SEMA6D: variants seen among roughly 807,000 people sequenced by gnomAD.
The protein encoded by SEMA6D is semaphorin-6D.
In SEMA6D, 35 loss-of-function variants were observed where a neutral mutation model predicts 106.6. The ratio of observed to expected loss-of-function variants is 0.33; its 90% CI spans 0.25 to 0.44. The LOEUF (loss-of-function observed/expected upper bound fraction) is 0.44. Among genes scored for constraint, SEMA6D ranks in the 20% least tolerant of loss-of-function variants. SEMA6D has a pLI of 1.00. For synonymous variants in SEMA6D, 499 were observed against 487.7 expected (o/e 1.02, Z -0.31); for missense variants, 1,185 against 1,345.9 (o/e 0.88, Z 1.87).
chr15:47,384,826 T>TTTTG (rs2039767342), intron 1 of SEMA6D, among the ~76,000 whole-genome samples: 1 of 142,108 alleles, frequency 7.0e-6, no homozygotes, highest in Non-Finnish European at 1.5e-5. Flanking sequence ...TTTTTTTTTT[T>TTTTG]TTTTTTTTTT....
chr15:47,284,931 T>G (rs2035292740), intron 1 of SEMA6D, among the ~76,000 whole-genome samples: 1 of 152,184 alleles, frequency 6.6e-6, no homozygotes, highest in African/African-American at 2.4e-5. Context: ...TGATAGACAG[T>G]TCCTTGCATG....
intron 1 of SEMA6D, among the ~76,000 whole-genome samples, chr15:47,191,196 T>TAC (rs1893939815): frequency 6.8e-6 from 1 of 148,048 alleles, no homozygotes; most frequent in East Asian, 2.1e-4. Context: ...TATATATATA[T>TAC]ACTTGATATT....
intron 3 of SEMA6D, among the ~76,000 whole-genome samples, chr15:47,551,389 A>G (rs1326581094): frequency 6.6e-6 from 1 of 152,174 alleles, no homozygotes; most frequent in Non-Finnish European, 1.5e-5. Context: ...CTGTGACCTT[A>G]GAGACAATTA....
intron 2 of SEMA6D, among the ~76,000 whole-genome samples, chr15:47,427,544 T>C (rs910001590): frequency 6.6e-6 from 1 of 152,164 alleles, no homozygotes; most frequent in Non-Finnish European, 1.5e-5. Flanking sequence ...ATCTTTTATA[T>C]CTTAAATGAA....
chr15:47,725,539 A>G (rs936127655), intron 1 of SEMA6D, among the ~76,000 whole-genome samples: 10 of 150,808 alleles, frequency 6.6e-5, no homozygotes, highest in African/African-American at 2.4e-4. Flanking sequence ...CCAGTCCCCC[A>G]CTTTCCCACC....
At chr15:47,377,692 T>C (rs911686523) in intron 1 of SEMA6D, among the ~76,000 whole-genome samples, 2 of 152,172 alleles carry the variant, frequency 1.3e-5, no homozygotes, top group East Asian at 1.9e-4. Flanking sequence ...CAGGAAAGTG[T>C]CTGGGCATAG....
chr15:47,425,717 C>G (rs1479758045), intron 2 of SEMA6D, among the ~76,000 whole-genome samples: 1 of 149,672 alleles, frequency 6.7e-6, no homozygotes, highest in Non-Finnish European at 1.5e-5. Context: ...GTTACCCGGG[C>G]TGGAGTGCGG....
chr15:47,730,516 G>C, intron 1 of SEMA6D: 1 of 1,280,852 alleles, frequency 7.8e-7, no homozygotes, highest in Non-Finnish European at 1.1e-6. Context: ...AGGTGGTGAC[G>C]GTGTCAACTC....
intron 1 of SEMA6D, among the ~76,000 whole-genome samples, chr15:47,391,849 T>G (rs1462696656): frequency 2.6e-5 from 4 of 152,218 alleles, no homozygotes; most frequent in African/African-American, 9.6e-5. Flanking sequence ...AAAATTGGAA[T>G]TGGAACCACC....
chr15:47,287,568 G>A (rs2035423303), intron 1 of SEMA6D, among the ~76,000 whole-genome samples: 1 of 151,992 alleles, frequency 6.6e-6, no homozygotes, highest in Admixed American at 6.6e-5. Context: ...CAAAGTGATG[G>A]TCTTCATTGT....
intron 1 of SEMA6D, among the ~76,000 whole-genome samples, chr15:47,262,099 T>G (rs1483670366): frequency 6.6e-6 from 1 of 151,944 alleles, no homozygotes; most frequent in Non-Finnish European, 1.5e-5. Context: ...ACAAAAAGAA[T>G]GAAATATCTA....
chr15:47,579,403 A>C (rs1055842513), intron 3 of SEMA6D, among the ~76,000 whole-genome samples: 2 of 152,082 alleles, frequency 1.3e-5, no homozygotes, highest in Non-Finnish European at 2.9e-5. Context: ...AGGCCTCCCA[A>C]AGTGCTGGGA....
At chr15:47,570,036 CGGG>C (rs1566898584) in intron 3 of SEMA6D, among the ~76,000 whole-genome samples, 2 of 151,058 alleles carry the variant, frequency 1.3e-5, no homozygotes, top group African/African-American at 2.4e-5. Flanking sequence ...ACTCCCAGCC[CGGG>C]CAACAGAGGG....
In SEMA6D at chr15:47,211,766, GAAAGA is replaced by G. The variant is rs1192962772; in HGVS notation, c.-239+27356_-239+27360del. On this transcript the variant is annotated intron_variant, in intron 1 of 19. Coordinates refer to the SEMA6D transcript ENST00000558014. ...TGTCAAGAAGGTTAGACTAGGAAAGGAAAGAAAAGAAACAGATAATTATTAAGTGG... is the reference window on the plus strand; with the variant it reads ...TGTCAAGAAGGTTAGACTAGGAAAGGAAAGAAACAGATAATTATTAAGTGG... Among the ~76,000 whole-genome samples the G allele has an allele frequency of 2.3e-3, 352 of 152,146 alleles. 4 individuals are homozygous for G. Among genetic ancestry groups the G allele is most frequent in the Non-Finnish European group, 5.1e-4 (35 of 67,976 alleles).
At chr15:47,549,846 A>ATTTT (rs1450180180) in intron 3 of SEMA6D, among the ~76,000 whole-genome samples, 1 of 152,174 alleles carries the variant, frequency 6.6e-6, no homozygotes, top group Non-Finnish European at 1.5e-5. Context: ...ATCTTTTTTC[A>ATTTT]CTACAGCCCT....
intron 4 of SEMA6D, among the ~76,000 whole-genome samples, chr15:47,643,518 A>G (rs528293211): frequency 2.0e-5 from 3 of 152,360 alleles, no homozygotes; most frequent in East Asian, 1.9e-4. Flanking sequence ...AGTAAAATGC[A>G]GATTCTGATT....
At chr15:47,633,124 G>C (rs1019159918) in intron 4 of SEMA6D, among the ~76,000 whole-genome samples, 5 of 152,024 alleles carry the variant, frequency 3.3e-5, no homozygotes, top group African/African-American at 4.8e-5. Flanking sequence ...GATGTTATAA[G>C]TTTTGCTTCA....
At chr15:47,371,825 C>CT (rs2039283659) in intron 1 of SEMA6D, among the ~76,000 whole-genome samples, 1 of 152,146 alleles carries the variant, frequency 6.6e-6, no homozygotes, top group South Asian at 2.1e-4. Context: ...TTATTGAGTG[C>CT]TTAGTTGCTT....
At chr15:47,315,606 T>C (rs898806026) in intron 1 of SEMA6D, among the ~76,000 whole-genome samples, 1 of 152,218 alleles carries the variant, frequency 6.6e-6, no homozygotes, top group African/African-American at 2.4e-5. Context: ...ATATAAACTT[T>C]ATAATTAGTT....
Sources: allele counts gnomAD v4.1 joint callset (sites outside exome capture counted in the v4.1 genomes callset), GRCh38; gene constraint gnomAD v4.1.1; transcripts MANE v1.5; gene names NCBI Gene and HGNC (gene_info 2026-07-23, HGNC 2026-07-21).